The following KDM4F variants were observed in gnomAD, a reference collection of about 807,000 sequenced individuals.
The protein encoded by KDM4F is lysine demethylase 4F, also known as probable lysine-specific demethylase 4F.
For missense variants in KDM4F, 586 were observed against 496.4 expected (o/e 1.18, Z -1.71); for synonymous variants, 223 against 184.4 (o/e 1.21, Z -1.70).
chr11:95,050,370 TC>T, the KDM4F span: 1 of 1,015,014 alleles, frequency 9.9e-7, no homozygotes, highest in Non-Finnish European at 1.6e-6. Flanking sequence ...AGTGACCTTT[TC>T]CATGGATGCC....
chr11:95,050,045 T>C, exon 1 of KDM4F: 1 of 1,610,224 alleles, frequency 6.2e-7, no homozygotes, highest in Non-Finnish European at 8.5e-7. Context: ...AGCCCAAAAC[T>C]TGGTACGTGG....
exon 1 of KDM4F, chr11:95,050,802 C>T (rs982043850): frequency 1.2e-4 from 73 of 610,088 alleles, no homozygotes; most frequent in South Asian, 2.2e-4. Context: ...AGCTAAGAGG[C>T]GCCTCTCAGT....
chr11:95,050,370 T>C, exon 1 of KDM4F: 1 of 1,015,014 alleles, frequency 9.9e-7, no homozygotes, highest in Non-Finnish European at 1.6e-6. Flanking sequence ...AGTGACCTTT[T>C]CCATGGATGC....
exon 1 of KDM4F, chr11:95,049,666 T>G: frequency 6.2e-7 from 1 of 1,600,266 alleles, no homozygotes; most frequent in African/African-American, 1.3e-5. Context: ...CAGGGAGGTG[T>G]GTTTACTCAA....
chr11:95,050,294 C>T (rs1858498270), exon 1 of KDM4F: 21 of 1,413,416 alleles, frequency 1.5e-5, no homozygotes, highest in Non-Finnish European at 2.1e-5. Context: ...AGGCCATCAA[C>T]TTTGCCACTC....
exon 1 of KDM4F, chr11:95,050,965 C>T (rs1446695319): frequency 6.3e-6 from 3 of 477,710 alleles, no homozygotes; most frequent in East Asian, 3.3e-5. Context: ...CCCCTGGGGC[C>T]CCCACTGGAT....
chr11:95,050,340 T>C (rs1858498766), exon 1 of KDM4F: 7 of 1,221,148 alleles, frequency 5.7e-6, no homozygotes, highest in Middle Eastern at 1.9e-4. Flanking sequence ...GGCTTCACAG[T>C]GTAGCTGTGG....
chr11:95,049,486 T>A (rs2134139346), exon 1 of KDM4F: 1 of 1,558,776 alleles, frequency 6.4e-7, no homozygotes, highest in Admixed American at 1.9e-5. Context: ...TACCCAACCA[T>A]GGAAGAATTT....
exon 1 of KDM4F, chr11:95,049,423 T>A: frequency 7.7e-7 from 1 of 1,298,402 alleles, no homozygotes; most frequent in Non-Finnish European, 1.0e-6. Context: ...TGTGCAGCCA[T>A]GAAGTCTGTG....
At chr11:95,050,139 C>G (rs906680330) in exon 1 of KDM4F, 2 of 1,552,710 alleles carry the variant, frequency 1.3e-6, no homozygotes, top group Non-Finnish European at 1.8e-6. Flanking sequence ...GGGCTTCCTG[C>G]GGCACAAGGT....
the KDM4F span, chr11:95,050,195 CA>C: frequency 6.4e-7 from 1 of 1,551,086 alleles, no homozygotes; most frequent in Non-Finnish European, 8.9e-7. Context: ...GGATCCCCTT[CA>C]ATCGCATGAC....
chr11:95,050,788 C>T, exon 1 of KDM4F: 1 of 630,510 alleles, frequency 1.6e-6, no homozygotes, highest in South Asian at 1.9e-5. Flanking sequence ...ACTGTTCAGT[C>T]TGCAGCTAAG....
rs1393958900 is a variant in KDM4F, at chr11:95,050,457, G to A, written c.1036G>A (p.Glu346Lys). ...AGACTTGACTGTTGTGGATTACATG[G>A]AGCCCAGGGTTGCAGAAAGCCAAGA... Residue 346 changes from glutamate to lysine, a missense_variant, in exon 1 of 1, where the codon GAG becomes AAG. Glu to Lys is a moderately conservative substitution (Grantham distance 56). Coordinates refer to ENST00000545950, the Ensembl canonical transcript of KDM4F. The A allele has an allele frequency of 3.9e-6, 3 of 770,484 alleles. No individual in the cohort carries two copies. In the South Asian group the frequency reaches 4.3e-5, roughly 11 times the overall value. 47.7% of individuals were successfully genotyped at this position (770,484 alleles called of 1,614,324 possible).
chr11:95,050,518 G>C (rs1222745101), exon 1 of KDM4F: 1 of 707,104 alleles, frequency 1.4e-6, no homozygotes, highest in Admixed American at 2.0e-5. Flanking sequence ...GCACTTAGGA[G>C]AGCTGCTCTG....
At chr11:95,051,237 G>A in exon 1 of KDM4F, 1 of 398,818 alleles carries the variant, frequency 2.5e-6, no homozygotes, top group East Asian at 3.6e-5. Context: ...TGGGGCTAAA[G>A]CCAGACAGAG....
chr11:95,049,536 G>A, exon 1 of KDM4F: 1 of 1,594,522 alleles, frequency 6.3e-7, no homozygotes, highest in Non-Finnish European at 8.5e-7. Flanking sequence ...GGAGTCCCAA[G>A]GCGCACACCG....
exon 1 of KDM4F, chr11:95,051,230 G>A (rs946430457): frequency 7.5e-6 from 3 of 398,672 alleles, no homozygotes; most frequent in African/African-American, 2.1e-5. Flanking sequence ...CATCTGCTGG[G>A]GCTAAAGCCA....
chr11:95,049,496 T>C, exon 1 of KDM4F: 1 of 1,571,958 alleles, frequency 6.4e-7, no homozygotes, highest in African/African-American at 1.3e-5. Context: ...TGGAAGAATT[T>C]GCAGATTTCA....
At chr11:95,050,614 G>GT in the KDM4F span, 1 of 634,012 alleles carries the variant, frequency 1.6e-6, no homozygotes, top group African/African-American at 1.8e-5. Context: ...AAGGGCGGTG[G>GT]TACCGATGCT....
Sources: allele counts gnomAD v4.1 joint callset, GRCh38; gene constraint gnomAD v4.1.1; transcripts MANE v1.5; gene names NCBI Gene and HGNC (gene_info 2026-07-23, HGNC 2026-07-21).